The following ANXA13 variants were observed in gnomAD, a reference collection of about 807,000 sequenced individuals.
ANXA13 encodes the protein annexin XIII.
ANXA13 carries 36 observed loss-of-function variants against 46.6 expected under a neutral mutation model. That is an observed-to-expected ratio of 0.77 (90% CI 0.59 to 1.02). The LOEUF is 1.02. ANXA13 is among the 50% of genes least tolerant of loss of function. The pLI is 0.00. For synonymous variants in ANXA13, 163 were observed against 152.9 expected, an observed-to-expected ratio of 1.07 and a Z score of -0.49; for missense variants, 417 against 396.5, an observed-to-expected ratio of 1.05 and a Z score of -0.44.
chr8:123,712,133 TC>T (rs1268440158), intron 2 of ANXA13: 2 of 155,100 alleles, frequency 1.3e-5, no homozygotes, highest in Admixed American at 1.3e-4. Context: ...AGGGGCAGTT[TC>T]CCCCATACCG....
intron 8 of ANXA13, 42 bp downstream of exon 8, chr8:123,693,155 C>T: frequency 1.3e-6 from 2 of 1,558,628 alleles, no homozygotes; most frequent in South Asian, 1.1e-5. Flanking sequence ...ACTTAAGACA[C>T]TTTCAGAGTG....
At position 123,681,074 on chromosome 8, in the gene ANXA13, T is replaced by A; in HGVS notation, c.*166A>T. On this transcript the variant is annotated 3_prime_UTR_variant, in exon 11 of 11. Coordinates refer to ENST00000419625, the MANE Select transcript of ANXA13 (RefSeq NM_004306.4). ...CCCTGCCCACGCATCTTAACGTTAC[T>A]GCCCTTAACTTACACAGCTTGGCCT... 1.1e-6 allele frequency: 1 copy of A among 886,182 alleles called. No individual in the cohort carries two copies. Among genetic ancestry groups the A allele is most frequent in the Non-Finnish European group, 1.6e-6 (1 of 609,288 alleles). The allele number at this position is 886,182 out of a possible 1,614,324, so 54.9% of individuals were successfully genotyped here.
chr8:123,700,310 A>G (rs1193601978), intron 3 of ANXA13, among the ~76,000 whole-genome samples: 2 of 152,220 alleles, frequency 1.3e-5, no homozygotes, highest in African/African-American at 4.8e-5. Flanking sequence ...AGGCATAAAA[A>G]CAAATCCTTG....
rs141885540 is a variant in ANXA13, at chr8:123,707,045, G to T, written c.92-4309C>A. 4.4e-3 allele frequency among the ~76,000 whole-genome samples: 674 copies of T among 152,308 alleles called. 1 individual carries two copies. Among genetic ancestry groups the T allele is most frequent in the Admixed American group, 7.1e-3 (109 of 15,296 alleles). On this transcript the variant is annotated intron_variant, in intron 2 of 10. Transcript: ENST00000419625. ...GTCTCTCATGCTGCCTGCTCTTCCT[G>T]TTTCTGCCAGGACACATGGCAAATT...
intron 8 of ANXA13, among the ~76,000 whole-genome samples, chr8:123,691,572 A>C (rs1813243388): frequency 1.3e-5 from 2 of 152,192 alleles, no homozygotes; most frequent in African/African-American, 4.8e-5. Context: ...TATTAACCCT[A>C]TGAAGTAGGT....
intron 2 of ANXA13, among the ~76,000 whole-genome samples, chr8:123,705,498 T>C (rs1308768893): frequency 6.6e-6 from 1 of 152,222 alleles, no homozygotes; most frequent in African/African-American, 2.4e-5. Context: ...AAGTTTCTGC[T>C]TCCTCTGTTT....
At chr8:123,737,229 G>C (rs532953975) in intron 1 of ANXA13, 91 bp downstream of exon 1, 1 of 1,239,446 alleles carries the variant, frequency 8.1e-7, no homozygotes, top group Non-Finnish European at 1.2e-6. Context: ...TAGTGATAAA[G>C]TATACAAGTA....
chr8:123,734,023 C>T (rs1814192584), intron 1 of ANXA13, among the ~76,000 whole-genome samples: 1 of 152,212 alleles, frequency 6.6e-6, no homozygotes, highest in South Asian at 2.1e-4. Context: ...AACAAGTGCC[C>T]ACGCAATGTG....
chr8:123,698,972 G>C (rs949966490), intron 3 of ANXA13, among the ~76,000 whole-genome samples: 1 of 152,180 alleles, frequency 6.6e-6, no homozygotes, highest in Non-Finnish European at 1.5e-5. Context: ...TCTAGGACTG[G>C]AGAATTTGTC....
intron 1 of ANXA13, among the ~76,000 whole-genome samples, chr8:123,736,659 T>G (rs1289758531): frequency 6.6e-6 from 1 of 152,206 alleles, no homozygotes; most frequent in Non-Finnish European, 1.5e-5. Context: ...TAACTCTGAA[T>G]GGGCTTAGTT....
At chr8:123,688,668 C>A (rs749837609) in intron 9 of ANXA13, among the ~76,000 whole-genome samples, 52 of 152,164 alleles carry the variant, frequency 3.4e-4, no homozygotes, top group Non-Finnish European at 6.2e-4. Context: ...CCACCTTGGA[C>A]ATCTCAGCTT....
intron 1 of ANXA13, among the ~76,000 whole-genome samples, chr8:123,732,652 C>G (rs1814142643): frequency 6.6e-6 from 1 of 151,770 alleles, no homozygotes; most frequent in Admixed American, 6.6e-5. Flanking sequence ...TTCTTACCAC[C>G]TCCTTACAAT....
At chr8:123,700,967 C>A (rs553716010) in intron 3 of ANXA13, among the ~76,000 whole-genome samples, 5 of 152,206 alleles carry the variant, frequency 3.3e-5, no homozygotes, top group Admixed American at 3.3e-4. Flanking sequence ...GGACTACAGG[C>A]ACACACCACC....
At position 123,724,100 on chromosome 8, in the gene ANXA13, T is replaced by C. The variant is rs542562368; in HGVS notation, c.16-11347A>G. Reference sequence around the variant, plus strand: ...AATAGTGTCAAGCTTTCCAAAATGATGAAGCAGAGAGAATGAAAAGAGGAA... The same window carrying C: ...AATAGTGTCAAGCTTTCCAAAATGACGAAGCAGAGAGAATGAAAAGAGGAA... On this transcript the variant is annotated intron_variant, in intron 1 of 10. Transcript: ENST00000419625. 5.3e-5 allele frequency among the ~76,000 whole-genome samples: 8 copies of C among 152,232 alleles called. No individual in the cohort carries two copies. The South Asian group carries it at 1.2e-3, about 24-fold the overall frequency.
At position 123,708,784 on chromosome 8, in the gene ANXA13, C is replaced by A. The variant is rs561107788; in HGVS notation, c.91+3894G>T. On this transcript the variant is annotated intron_variant, in intron 2 of 10. Transcript: ENST00000419625. ...GTCGGCAGGCCCACAGTCCCTCCAG[C>A]AGCCCCGGGGCAGTGTCTGTTCCTT... Among the ~76,000 whole-genome samples the A allele has an allele frequency of 5.4e-4, 83 of 152,310 alleles. 1 individual carries two copies. Among genetic ancestry groups the A allele is most frequent in the East Asian group, 1.9e-3 (10 of 5,178 alleles).
At chr8:123,697,116 G>A (rs1813354500) in intron 4 of ANXA13, among the ~76,000 whole-genome samples, 1 of 152,116 alleles carries the variant, frequency 6.6e-6, no homozygotes, top group Non-Finnish European at 1.5e-5. Flanking sequence ...CATCATGTTA[G>A]CCAGGCTGGT....
intron 1 of ANXA13, among the ~76,000 whole-genome samples, chr8:123,720,657 C>CGTGTGTGT (rs34135339): frequency 0.024 from 3,430 of 141,464 alleles, 66 homozygotes; most frequent in African/African-American, 0.039. Flanking sequence ...CCTGTGTCCC[C>CGTGTGTGT]GTGTGTGTGT....
At chr8:123,692,889 G>A (rs564465142) in intron 8 of ANXA13, among the ~76,000 whole-genome samples, 1 of 152,020 alleles carries the variant, frequency 6.6e-6, no homozygotes, top group Non-Finnish European at 1.5e-5. Context: ...TTGTGAAGCC[G>A]GTTTCCAGCC....
At chr8:123,695,641 T>C in intron 5 of ANXA13, 47 bp downstream of exon 5, 1 of 1,612,216 alleles carries the variant, frequency 6.2e-7, no homozygotes, top group East Asian at 2.2e-5. Flanking sequence ...CAGAGGTATT[T>C]TGAAAGAAAC....
Sources: gnomAD v4.1 joint callset for allele counts (sites outside exome capture counted in the v4.1 genomes callset) on GRCh38, gnomAD v4.1.1 for gene constraint, MANE v1.5 for transcripts, NCBI Gene and HGNC (gene_info 2026-07-23, HGNC 2026-07-21) for gene names.